Variants in KIAA0513 observed in about 807,000 individuals in gnomAD.
The protein encoded by KIAA0513 is uncharacterized protein KIAA0513.
A neutral mutation model predicts 56.5 loss-of-function variants in KIAA0513; 39 were observed. The ratio of observed to expected loss-of-function variants is 0.69; its 90% CI spans 0.53 to 0.90. KIAA0513 has a LOEUF of 0.90. Ranked by LOEUF, KIAA0513 falls within the 40% of genes least tolerant of loss-of-function variation. The pLI, the probability that KIAA0513 is intolerant of heterozygous loss-of-function variation, is 0.00. For synonymous variants in KIAA0513, 268 were observed against 215.6 expected (o/e 1.24, Z -2.13); for missense variants, 591 against 535.2 (o/e 1.10, Z -1.03).
intron 1 of KIAA0513, among the ~76,000 whole-genome samples, chr16:85,031,574 C>T (rs1466858879): frequency 7.9e-5 from 12 of 152,224 alleles, no homozygotes; most frequent in African/African-American, 2.9e-4. Flanking sequence ...TGCACAGGTG[C>T]TGACTGACCC....
intron 1 of KIAA0513, among the ~76,000 whole-genome samples, chr16:85,064,491 C>G (rs35500222): frequency 0.067 from 10,153 of 152,086 alleles, 364 homozygotes; most frequent in Middle Eastern, 0.088. Context: ...TAGAAATTGC[C>G]TTTTGAAGTA....
intron 10 of KIAA0513, 116 bp downstream of exon 10, chr16:85,082,709 A>T: frequency 9.1e-7 from 1 of 1,103,792 alleles, no homozygotes; most frequent in Admixed American, 2.2e-5. Flanking sequence ...GCCCAGACGC[A>T]GGTGCAGCCT....
chr16:85,045,449 A>G (rs1009663078), intron 1 of KIAA0513, among the ~76,000 whole-genome samples: 1 of 152,136 alleles, frequency 6.6e-6, no homozygotes, highest in East Asian at 1.9e-4. Flanking sequence ...TCCGCCTCCC[A>G]GGTTCAAGTG....
intron 10 of KIAA0513, among the ~76,000 whole-genome samples, chr16:85,083,550 C>T (rs1284374692): frequency 6.6e-6 from 1 of 152,214 alleles, no homozygotes. Context: ...GTCAGCCCCA[C>T]AGCCCTAGCC....
At chr16:85,035,034 C>T (rs1035838122) in intron 1 of KIAA0513, among the ~76,000 whole-genome samples, 4 of 152,230 alleles carry the variant, frequency 2.6e-5, no homozygotes, top group African/African-American at 9.6e-5. Context: ...ACCTCTGCCC[C>T]CCTTCCCCAG....
At chr16:85,068,527 T>C (rs916398673) in intron 2 of KIAA0513, among the ~76,000 whole-genome samples, 1 of 151,850 alleles carries the variant, frequency 6.6e-6, no homozygotes, top group African/African-American at 2.4e-5. Context: ...AGAGACGGGG[T>C]TTCACCATGT....
Position 85,090,988 on chromosome 16 carries a change from C to T in KIAA0513, c.*2663C>T, listed in dbSNP as rs538421084. The T allele has an allele frequency of 1.6e-4, 25 of 152,402 alleles. No individual in the cohort carries two copies. The highest frequency in any genetic ancestry group is 6.0e-4 in the African/African-American group (25 of 41,566). 9.4% of individuals were successfully genotyped at this position (152,402 alleles called of 1,614,324 possible). ...CAAAGGTCCCTGCGTGGGGAGGTGT[C>T]ACACCAGGGGCACACCCAGGGCCAC... On this transcript the variant is annotated 3_prime_UTR_variant, in exon 13 of 13. Transcript: ENST00000683363.
chr16:85,063,175 C>G (rs986662520), intron 1 of KIAA0513: 1 of 152,364 alleles, frequency 6.6e-6, no homozygotes, highest in South Asian at 2.1e-4. Context: ...CTCAGGGCTT[C>G]TGGGAGAGGG....
rs537387971 is a variant in KIAA0513, at chr16:85,061,251, A to G, written c.-172-5649A>G. On this transcript the variant is annotated intron_variant, in intron 1 of 12. Transcript: ENST00000683363. Reference sequence around the variant, plus strand: ...TTGGCAAAGTAACTTGGTGATTCCTATCACAAGCCTTAATAATGCGCACAC... The same window carrying G: ...TTGGCAAAGTAACTTGGTGATTCCTGTCACAAGCCTTAATAATGCGCACAC... Among the ~76,000 whole-genome samples the G allele has an allele frequency of 2.0e-5, 3 of 152,234 alleles. No individual in the cohort carries two copies. In the South Asian group the frequency reaches 6.2e-4, roughly 32 times the overall value.
At chr16:85,034,912 C>A (rs1041095816) in intron 1 of KIAA0513, among the ~76,000 whole-genome samples, 1 of 152,220 alleles carries the variant, frequency 6.6e-6, no homozygotes, top group Non-Finnish European at 1.5e-5. Context: ...TGCCTCTCCC[C>A]TGTGCTGCCT....
chr16:85,069,892 C>G (rs13329708), intron 2 of KIAA0513, among the ~76,000 whole-genome samples: 12,007 of 152,086 alleles, frequency 0.079, 1,546 homozygotes, highest in African/African-American at 0.27. Flanking sequence ...TGGCCAGGCT[C>G]AGTGGCTTGC....
chr16:85,051,827 T>C (rs2073256854), intron 1 of KIAA0513, among the ~76,000 whole-genome samples: 2 of 151,980 alleles, frequency 1.3e-5, no homozygotes, highest in African/African-American at 4.8e-5. Flanking sequence ...TCATGTTTTT[T>C]TTTTTTTTAA....
At chr16:85,056,310 C>G (rs1453125078) in intron 1 of KIAA0513, among the ~76,000 whole-genome samples, 1 of 152,200 alleles carries the variant, frequency 6.6e-6, no homozygotes, top group Non-Finnish European at 1.5e-5. Context: ...TTCCGAGGCC[C>G]CCTCTCAACA....
intron 11 of KIAA0513, 108 bp downstream of exon 11, chr16:85,086,832 C>A: frequency 9.6e-7 from 1 of 1,045,198 alleles, no homozygotes; most frequent in Non-Finnish European, 1.4e-6. Flanking sequence ...TGCTCTGAGG[C>A]ATGGGGTTCA....
chr16:85,029,572 A>G (rs906394931), intron 1 of KIAA0513, among the ~76,000 whole-genome samples: 3 of 152,230 alleles, frequency 2.0e-5, no homozygotes, highest in Admixed American at 1.3e-4. Context: ...TCTGAGGAGC[A>G]TCTTTTAGGA....
intron 7 of KIAA0513, 41 bp from the exon 8 acceptor site, chr16:85,078,884 G>C: frequency 6.2e-7 from 1 of 1,610,738 alleles, no homozygotes; most frequent in Non-Finnish European, 8.5e-7. Context: ...CAGTGGGTGC[G>C]CAACCAGAGC....
At chr16:85,038,234 T>G (rs1373718266) in intron 1 of KIAA0513, among the ~76,000 whole-genome samples, 2 of 152,196 alleles carry the variant, frequency 1.3e-5, no homozygotes, top group Non-Finnish European at 2.9e-5. Flanking sequence ...TTCCCTGGGC[T>G]GGGCCCCACG....
chr16:85,070,638 A>G (rs2073559833), intron 2 of KIAA0513, among the ~76,000 whole-genome samples: 1 of 152,264 alleles, frequency 6.6e-6, no homozygotes. Context: ...AGATTGCGCC[A>G]CTGCACTCCA....
At chr16:85,035,909 G>T (rs1473161757) in intron 1 of KIAA0513, among the ~76,000 whole-genome samples, 1 of 151,142 alleles carries the variant, frequency 6.6e-6, no homozygotes, top group East Asian at 2.0e-4. Flanking sequence ...AACCTGGGAG[G>T]CAGAGCTTGC....
Sources: gnomAD v4.1 joint callset for allele counts (sites outside exome capture counted in the v4.1 genomes callset) on GRCh38, gnomAD v4.1.1 for gene constraint, MANE v1.5 for transcripts, NCBI Gene and HGNC (gene_info 2026-07-23, HGNC 2026-07-21) for gene names.